SMARCAL1: variants seen among roughly 807,000 people sequenced by gnomAD.
SMARCAL1 encodes SNF2 related chromatin remodeling annealing helicase 1.
Under a neutral mutation model 94.5 loss-of-function variants are expected in SMARCAL1, and 58 were observed. The ratio of observed to expected loss-of-function variants is 0.61; its 90% CI spans 0.50 to 0.76. SMARCAL1 has a LOEUF of 0.76. Ranked by LOEUF, SMARCAL1 falls within the 30% of genes least tolerant of loss-of-function variation. SMARCAL1 has a pLI of 0.00. For missense variants in SMARCAL1, 1,051 were observed against 1,177.9 expected (o/e 0.89, Z 1.58); for synonymous variants, 422 against 455.1 (o/e 0.93, Z 0.93).
At chr2:216,442,070 T>C (rs1574462696) in intron 10 of SMARCAL1, among the ~76,000 whole-genome samples, 1 of 152,002 alleles carries the variant, frequency 6.6e-6, no homozygotes, top group African/African-American at 2.4e-5. Flanking sequence ...GGCTAAAAGG[T>C]ATAAGGTTTT....
At chr2:216,437,955 A>G (rs781560242) in intron 9 of SMARCAL1, among the ~76,000 whole-genome samples, 1 of 152,214 alleles carries the variant, frequency 6.6e-6, no homozygotes, top group Non-Finnish European at 1.5e-5. Flanking sequence ...AGTACTGATA[A>G]TACAGCCTGA....
Position 216,464,634 on chromosome 2 carries a change from A to G in SMARCAL1, c.2108A>G (p.Asn703Ser), listed in dbSNP as rs1446757240. 7 of 1,613,544 alleles carry G rather than the reference A, an allele frequency of 4.3e-6. No homozygotes were observed. Among genetic ancestry groups the G allele is most frequent in the South Asian group, 3.3e-5 (3 of 91,066 alleles). Reference sequence around the variant, plus strand: ...AAAGATGCCCTCATTCTCTTCTTCAACAGAACAGCTGAAGCTAAAATCCCA... The same window carrying G: ...AAAGATGCCCTCATTCTCTTCTTCAGCAGAACAGCTGAAGCTAAAATCCCA... ...QQKDALILFFNRTAEAKIPSV... is the reference protein window; with the variant it reads ...QQKDALILFFSRTAEAKIPSV... The change falls in exon 13 of 18, where the codon AAC (asparagine) becomes AGC (serine). Residue 703 changes from asparagine to serine, a missense_variant. Asn to Ser is a conservative substitution (Grantham distance 46). Coordinates refer to ENST00000357276, the MANE Select transcript of SMARCAL1 (RefSeq NM_014140.4).
rs1320735965 is a variant in SMARCAL1, at chr2:216,435,466, G to T, written c.1614G>T (p.Gln538His). The change falls in exon 9 of 18, where the codon CAG (glutamine) becomes CAT (histidine). Residue 538 changes from glutamine to histidine, a missense_variant. By Grantham distance (24) the Gln-to-His change is conservative (BLOSUM62 0). This residue lies in a region of SMARCAL1 where 642 missense variants were observed against 754.7 expected (regional missense o/e 0.85). Transcript: ENST00000357276. ...SFDLLSKLEK[Q>H]LKTPFKVVII... Reference sequence around the variant, plus strand: ...ACCTTCTTAGCAAGTTGGAAAAACAGCTAAAAACCCCTTTTAAAGTTGTCA... The same window carrying T: ...ACCTTCTTAGCAAGTTGGAAAAACATCTAAAAACCCCTTTTAAAGTTGTCA... The T allele has an allele frequency of 1.2e-5, 19 of 1,614,148 alleles. No homozygotes were observed. The highest frequency in any genetic ancestry group is 1.6e-5 in the Non-Finnish European group (19 of 1,180,006).
chr2:216,420,207 C>A (rs1693686118), intron 4 of SMARCAL1, 92 bp from the exon 5 acceptor site: 1 of 1,008,328 alleles, frequency 9.9e-7, no homozygotes, highest in Non-Finnish European at 1.5e-6. Flanking sequence ...CATGTCCCTT[C>A]CCCACTTTCT....
chr2:216,456,419 G>GA (rs1043036868), intron 12 of SMARCAL1, among the ~76,000 whole-genome samples: 2 of 152,156 alleles, frequency 1.3e-5, no homozygotes, highest in Non-Finnish European at 1.5e-5. Context: ...TGAAATGAAG[G>GA]AAAAAATGTT....
At chr2:216,415,610 A>G in intron 3 of SMARCAL1, 95 bp downstream of exon 3, 1 of 1,135,254 alleles carries the variant, frequency 8.8e-7, no homozygotes, top group Non-Finnish European at 1.3e-6. Flanking sequence ...AAGAGAGTGC[A>G]TTGGCACATG....
At chr2:216,435,529 ATC>A (rs1280338257) in intron 9 of SMARCAL1, 33 bp downstream of exon 9, 1 of 1,587,404 alleles carries the variant, frequency 6.3e-7, no homozygotes, top group East Asian at 2.2e-5. Flanking sequence ...TAAGTACTTT[ATC>A]TCTCTGGAAA....
rs2066517 is a variant in SMARCAL1, at chr2:216,475,388, T to C, written c.2364T>C (p.Asn788=). 3 of 1,614,060 alleles carry C rather than the reference T, an allele frequency of 1.9e-6. No individual in the cohort carries two copies. Among genetic ancestry groups the C allele is most frequent in the African/African-American group, 2.7e-5 (2 of 74,920 alleles). The change falls in exon 15 of 18, where the codon AAT becomes AAC. Residue 788 remains asparagine, a synonymous_variant. Coordinates refer to ENST00000357276, the MANE Select transcript of SMARCAL1 (RefSeq NM_014140.4). This position sits in a 1 kb window ranked among gnomAD's most constrained non-coding sequence, Gnocchi z 4.4. Reference sequence around the variant, plus strand: ...CCGTGCTGTCCATCACCGCTGCCAATATGGGCCTCACCTTCTCCTCGGCTG... The same window carrying C: ...CCGTGCTGTCCATCACCGCTGCCAACATGGGCCTCACCTTCTCCTCGGCTG... The part of the protein sequence containing the change: ...AVAVLSITAA[N]MGLTFSSADL...
At chr2:216,462,830 A>G (rs986028220) in intron 12 of SMARCAL1, among the ~76,000 whole-genome samples, 1 of 50,774 alleles carries the variant, frequency 2.0e-5, no homozygotes, top group African/African-American at 2.3e-4. Context: ...TACAAAAAAT[A>G]AAAAAAAAAA....
chr2:216,421,481 A>T (rs558433777), intron 5 of SMARCAL1, among the ~76,000 whole-genome samples: 1 of 152,198 alleles, frequency 6.6e-6, no homozygotes, highest in South Asian at 2.1e-4. Context: ...TATTTTTAGT[A>T]GAAGTAAGGT....
intron 6 of SMARCAL1, among the ~76,000 whole-genome samples, chr2:216,424,849 C>T (rs943895299): frequency 2.0e-5 from 3 of 152,158 alleles, no homozygotes; most frequent in African/African-American, 4.8e-5. Context: ...GAATGGCTCA[C>T]GGTGATCTTG....
At chr2:216,473,690 GAGAC>G (rs60419305) in intron 14 of SMARCAL1, among the ~76,000 whole-genome samples, 376 of 152,240 alleles carry the variant, frequency 2.5e-3, no homozygotes, top group African/African-American at 8.6e-3. Flanking sequence ...ATCAAAAAAA[GAGAC>G]AGGAAAAAGT....
chr2:216,416,200 G>T (rs1693597272), intron 3 of SMARCAL1, 57 bp from the exon 4 acceptor site: 3 of 1,439,136 alleles, frequency 2.1e-6, no homozygotes, highest in Non-Finnish European at 2.9e-6. Context: ...AGACAAGCTT[G>T]TGTTGAGTGC....
At chr2:216,463,771 G>A (rs774846232) in intron 12 of SMARCAL1, among the ~76,000 whole-genome samples, 4 of 152,144 alleles carry the variant, frequency 2.6e-5, no homozygotes, top group African/African-American at 9.7e-5. Context: ...GGCCAGGTGC[G>A]GTGACTCATG....
intron 4 of SMARCAL1, among the ~76,000 whole-genome samples, chr2:216,417,859 C>G (rs1032930319): frequency 6.6e-6 from 1 of 152,114 alleles, no homozygotes; most frequent in East Asian, 1.9e-4. Flanking sequence ...TTGTTCTGAC[C>G]ACGGTGCATG....
chr2:216,476,272 T>A (rs284522), intron 15 of SMARCAL1, among the ~76,000 whole-genome samples: 109,847 of 151,844 alleles, frequency 0.72, 40,324 homozygotes, highest in African/African-American at 0.85. Context: ...CTTGAGGGTG[T>A]AGCCATTTTA....
chr2:216,422,188 C>T (rs1454074684), intron 5 of SMARCAL1, among the ~76,000 whole-genome samples: 1 of 152,100 alleles, frequency 6.6e-6, no homozygotes, highest in Admixed American at 6.5e-5. Flanking sequence ...TCGAGACCAG[C>T]CTGGCCAACA....
At chr2:216,423,032 A>G (rs1693758230) in intron 5 of SMARCAL1, among the ~76,000 whole-genome samples, 1 of 152,252 alleles carries the variant, frequency 6.6e-6, no homozygotes, top group African/African-American at 2.4e-5. Flanking sequence ...TCATGTAAAC[A>G]GTAACCTGTG....
chr2:216,469,285 T>C (rs75133460), intron 14 of SMARCAL1, among the ~76,000 whole-genome samples: 62 of 143,016 alleles, frequency 4.3e-4, no homozygotes, highest in African/African-American at 1.6e-3. Flanking sequence ...ATTTCTTTTT[T>C]TTTTTTTTTT....
Sources: gnomAD v4.1 joint callset for allele counts (sites outside exome capture counted in the v4.1 genomes callset) on GRCh38, gnomAD v4.1.1 for gene constraint, gnomAD v4.1.1 regional missense constraint, Gnocchi (gnomAD v3.1) non-coding constraint, MANE v1.5 for transcripts, NCBI Gene and HGNC (gene_info 2026-07-23, HGNC 2026-07-21) for gene names.